USP34: variants seen among roughly 807,000 people sequenced by gnomAD.
The protein encoded by USP34 is ubiquitin specific peptidase 34.
In USP34, 70 loss-of-function variants were observed where a neutral mutation model predicts 460.3. The ratio of observed to expected loss-of-function variants is 0.15; its 90% CI spans 0.13 to 0.19. The LOEUF is 0.19. Ranked by LOEUF, USP34 falls within the 10% of genes least tolerant of loss-of-function variation. The pLI, the probability that USP34 is intolerant of heterozygous loss-of-function variation, is 1.00. For synonymous variants in USP34, 1,647 were observed against 1,405.3 expected, an observed-to-expected ratio of 1.17 and a Z score of -3.85; for missense variants, 3,985 against 4,236.2, an observed-to-expected ratio of 0.94 and a Z score of 1.65.
chr2:61,262,188 T>C (rs2103909148), intron 43 of USP34, among the ~76,000 whole-genome samples: 1 of 150,252 alleles, frequency 6.7e-6, no homozygotes, highest in East Asian at 1.9e-4. Flanking sequence ...TCTCCTTTTT[T>C]TTTTTACTGT....
chr2:61,217,017 T>C (rs1173600224), intron 67 of USP34, among the ~76,000 whole-genome samples: 1 of 151,964 alleles, frequency 6.6e-6, no homozygotes, highest in Non-Finnish European at 1.5e-5. Flanking sequence ...TTGGAAAAGC[T>C]CTACTAAGAC....
intron 72 of USP34, among the ~76,000 whole-genome samples, chr2:61,205,792 G>A (rs1007288167): frequency 6.6e-6 from 1 of 152,180 alleles, no homozygotes; most frequent in South Asian, 2.1e-4. Flanking sequence ...AACTAAGGTC[G>A]GGGAGACTGT....
chr2:61,358,983 T>C (rs937032103), intron 10 of USP34, among the ~76,000 whole-genome samples: 1 of 152,078 alleles, frequency 6.6e-6, no homozygotes, highest in African/African-American at 2.4e-5. Flanking sequence ...GACAAAGACA[T>C]TCATGTTAAC....
chr2:61,454,865 T>TG (rs1558604767), intron 1 of USP34, among the ~76,000 whole-genome samples: 3 of 90,496 alleles, frequency 3.3e-5, no homozygotes, highest in South Asian at 3.7e-4. Context: ...TGGGGTTTTT[T>TG]TTTTCTTTTT....
At chr2:61,229,251 TACAGATTATTTTTTAA>T (rs1251735411) in intron 59 of USP34, among the ~76,000 whole-genome samples, 1 of 17,240 alleles carries the variant, frequency 5.8e-5, no homozygotes, top group Non-Finnish European at 9.9e-5. Flanking sequence ...AATGTATTAT[TACAGATTATTTTTTAA>T]ACAGAACAAA....
rs775403769 is a variant in USP34 at position 61,288,692 on chromosome 2, T to C, written c.4734A>G (p.Ile1578Met). 1.9e-6 allele frequency: 3 copies of C among 1,613,882 alleles called. No homozygotes were observed. The highest frequency in any genetic ancestry group is 2.2e-5 in the South Asian group (2 of 91,080). ...AAGDHAKGLH[I>M]PRLTEVFLVL... ...TGCACTTTACCTCTGTTAATCGTGG[T>C]ATATGAAGACCCTTAGCATGATCAC... The change falls in exon 34 of 80, where the codon ATA becomes ATG. Residue 1578 changes from isoleucine to methionine, a missense_variant. Transcript: ENST00000398571.
At chr2:61,369,978 C>T (rs1311271745) in intron 10 of USP34, among the ~76,000 whole-genome samples, 2 of 112,850 alleles carry the variant, frequency 1.8e-5, no homozygotes, top group African/African-American at 6.8e-5. Context: ...GGATATATGC[C>T]TATTTAAAAA....
intron 19 of USP34, among the ~76,000 whole-genome samples, chr2:61,332,152 C>G (rs1271820033): frequency 6.6e-6 from 1 of 152,054 alleles, no homozygotes; most frequent in Non-Finnish European, 1.5e-5. Context: ...GGCAAGTAAG[C>G]TGTCTTGTGG....
chr2:61,374,059 G>A (rs956668520), intron 8 of USP34, among the ~76,000 whole-genome samples: 3 of 151,868 alleles, frequency 2.0e-5, no homozygotes, highest in Non-Finnish European at 4.4e-5. Flanking sequence ...AGGAGGCTGA[G>A]GCAGCACAAT....
chr2:61,406,838 C>A (rs1372946487), intron 2 of USP34, among the ~76,000 whole-genome samples: 1 of 151,068 alleles, frequency 6.6e-6, no homozygotes, highest in Non-Finnish European at 1.5e-5. Context: ...AACCCTGTCT[C>A]TACTAAAAAT....
intron 20 of USP34, 84 bp from the exon 21 acceptor site, chr2:61,325,541 T>C (rs1483907718): frequency 5.5e-6 from 4 of 720,834 alleles, no homozygotes; most frequent in South Asian, 3.8e-5. Context: ...GCATAACTTA[T>C]ACCAAAAATT....
In USP34 at chr2:61,301,403, G is replaced by C; in HGVS notation, c.3869C>G (p.Thr1290Arg). Residue 1290 changes from threonine to arginine, a missense_variant, in exon 28 of 80, where the codon ACA becomes AGA. Physicochemically the swap from Thr to Arg is moderately conservative, Grantham distance 71. Coordinates refer to ENST00000398571, the MANE Select transcript of USP34 (RefSeq NM_014709.4). ...RMISSGHELT[T>R]DYDEKALHEL... ...ATGAAGTGCTTTTTCATCATAATCTGTTGTTAACTCGTGTCCAGATGAAAT... is the reference window on the plus strand; with the variant it reads ...ATGAAGTGCTTTTTCATCATAATCTCTTGTTAACTCGTGTCCAGATGAAAT... 1.9e-6 allele frequency: 3 copies of C among 1,613,936 alleles called. No homozygotes were observed. The highest frequency in any genetic ancestry group is 2.5e-6 in the Non-Finnish European group (3 of 1,179,980).
intron 1 of USP34, among the ~76,000 whole-genome samples, chr2:61,432,234 G>A (rs1297785847): frequency 1.3e-5 from 2 of 151,796 alleles, no homozygotes; most frequent in Non-Finnish European, 2.9e-5. Context: ...AGCACTTTGA[G>A]TGGCCAAGGT....
chr2:61,314,224 T>C (rs1026866129), intron 25 of USP34, among the ~76,000 whole-genome samples: 16 of 152,022 alleles, frequency 1.1e-4, no homozygotes, highest in African/African-American at 3.6e-4. Flanking sequence ...TGAGATTATT[T>C]GATGTTCTTG....
chr2:61,467,489 A>T (rs1393647548), intron 1 of USP34, among the ~76,000 whole-genome samples: 1 of 151,968 alleles, frequency 6.6e-6, no homozygotes, highest in Non-Finnish European at 1.5e-5. Context: ...CGTATTTTTC[A>T]GCATGACCTG....
Position 61,325,385 on chromosome 2 carries a change from A to T in USP34, c.3003T>A (p.Pro1001=). 1 of 1,552,164 alleles carries T rather than the reference A, an allele frequency of 6.4e-7. No homozygotes were observed. Among genetic ancestry groups the T allele is most frequent in the Non-Finnish European group, 8.6e-7 (1 of 1,156,562 alleles). Reference sequence around the variant, plus strand: ...GATTAAAAAACTTACTGAAATGATCAGGTGATCCCAGAGTTGAAAATACAC... The same window carrying T: ...GATTAAAAAACTTACTGAAATGATCTGGTGATCCCAGAGTTGAAAATACAC... ...LTCVFSTLGS[P]DHFRLSLEQV... The change falls in exon 21 of 80, where the codon CCT becomes CCA. Residue 1001 remains proline, a synonymous_variant. Transcript: ENST00000398571.
chr2:61,320,302 A>T (rs1690877217), intron 21 of USP34, among the ~76,000 whole-genome samples: 1 of 152,236 alleles, frequency 6.6e-6, no homozygotes, highest in Non-Finnish European at 1.5e-5. Context: ...AACCTTGACC[A>T]GGAAGCCATT....
At chr2:61,470,425 C>G (rs1336083247) in intron 1 of USP34, among the ~76,000 whole-genome samples, 1 of 150,650 alleles carries the variant, frequency 6.6e-6, no homozygotes, top group African/African-American at 2.4e-5. Flanking sequence ...CAGGCCGAGC[C>G]GGAGCTCCGC....
chr2:61,311,415 T>C lies in USP34; in HGVS notation c.3817+125A>G, dbSNP rs754828955. 9.4e-5 allele frequency: 93 copies of C among 989,732 alleles called. No individual in the cohort carries two copies. In the Middle Eastern group the frequency reaches 1.3e-3, roughly 14 times the overall value. The allele number at this position is 989,732 out of a possible 1,614,324, so 61.3% of individuals were successfully genotyped here. A position where few individuals can be genotyped will look rare whatever the true frequency, so the allele number is the denominator to read the frequency against. On this transcript the variant is annotated intron_variant, in intron 27 of 79. Transcript: ENST00000398571. ...ACAAGACAAACCAAGACAGTTGCTA[T>C]ATGATATAACCAAGAAAGAAAAGAA...
Sources: gnomAD v4.1 joint callset for allele counts (sites outside exome capture counted in the v4.1 genomes callset) on GRCh38, gnomAD v4.1.1 for gene constraint, MANE v1.5 for transcripts, NCBI Gene and HGNC (gene_info 2026-07-23, HGNC 2026-07-21) for gene names.